FNBP1: variants seen among roughly 807,000 people sequenced by gnomAD.
FNBP1 encodes formin-binding protein 1.
In FNBP1, 26 loss-of-function variants were observed where a neutral mutation model predicts 90.6. The ratio of observed to expected loss-of-function variants is 0.29; its 90% CI spans 0.21 to 0.40. The LOEUF is 0.40. Among genes scored for constraint, FNBP1 ranks in the 10% least tolerant of loss-of-function variants. The probability of loss-of-function intolerance (pLI) is 1.00; values close to 1 mark genes in which losing one functional copy is unlikely to be tolerated. For missense variants in FNBP1, 635 were observed against 768.0 expected (o/e 0.83, Z 2.05); for synonymous variants, 260 against 265.2 (o/e 0.98, Z 0.19).
intron 6 of FNBP1, among the ~76,000 whole-genome samples, chr9:129,939,199 A>G (rs938132702): frequency 1.3e-5 from 2 of 151,904 alleles, no homozygotes; most frequent in Non-Finnish European, 2.9e-5. Flanking sequence ...GACCAGCCTG[A>G]CCAATATGAT....
In FNBP1 at chr9:129,887,222, T is replaced by C. The variant is rs2034808627; in HGVS notation, c.*3317A>G. 1 of 181,486 alleles carries C rather than the reference T, an allele frequency of 5.5e-6. No individual in the cohort carries two copies. The highest frequency in any genetic ancestry group is 2.4e-5 in the African/African-American group (1 of 42,412). The allele number at this position is 181,486 out of a possible 1,614,324, so 11.2% of individuals were successfully genotyped here. A position where few individuals can be genotyped will look rare whatever the true frequency, so the allele number is the denominator to read the frequency against. ...ATTTTATTTTAACACGAGATTAACA[T>C]ATAGTTACAAGGTCAATACAAGCCT... On this transcript the variant is annotated 3_prime_UTR_variant, in exon 17 of 17. Transcript: ENST00000446176.
chr9:130,026,685 G>A (rs2058370889), intron 1 of FNBP1, among the ~76,000 whole-genome samples: 1 of 152,008 alleles, frequency 6.6e-6, no homozygotes, highest in Admixed American at 6.6e-5. Context: ...AGGTGCAGTG[G>A]CTCACGCTTC....
At chr9:129,949,198 C>A (rs1324711614) in intron 6 of FNBP1, among the ~76,000 whole-genome samples, 5 of 152,046 alleles carry the variant, frequency 3.3e-5, no homozygotes, top group Non-Finnish European at 7.4e-5. Context: ...TCATTCAAAG[C>A]CTTCAAGTTC....
chr9:129,893,163 T>C (rs970702732), intron 16 of FNBP1, among the ~76,000 whole-genome samples: 1 of 152,138 alleles, frequency 6.6e-6, no homozygotes, highest in African/African-American at 2.4e-5. Flanking sequence ...TTCACTTGTT[T>C]ACTGGGTAAA....
Position 129,890,416 on chromosome 9 carries a change from C to A in FNBP1, c.*123G>T. 1 of 681,626 alleles carries A rather than the reference C, an allele frequency of 1.5e-6. No individual in the cohort carries two copies. Among genetic ancestry groups the A allele is most frequent in the South Asian group, 1.8e-5 (1 of 56,942 alleles). The allele number at this position is 681,626 out of a possible 1,614,324, so 42.2% of individuals were successfully genotyped here. The stretch of plus-strand genomic sequence containing the variant: ...GCATGCTGGAGAGAGAGAGAGACCG[C>A]CCCGCAGGGATGGGGCTGCGGAGGG... On this transcript the variant is annotated 3_prime_UTR_variant, in exon 17 of 17. Coordinates refer to ENST00000446176, the MANE Select transcript of FNBP1 (RefSeq NM_015033.3). The surrounding 1 kb of genome is among the most constrained non-coding windows in gnomAD (Gnocchi z 5.8).
At chr9:129,895,300 CAAG>C (rs2035536495) in intron 16 of FNBP1, 8 of 1,060,326 alleles carry the variant, frequency 7.5e-6, no homozygotes, top group Admixed American at 5.4e-5. Context: ...CTGCTTTAGT[CAAG>C]AAGGAGATGT....
rs112024204 is a variant in FNBP1 at position 130,003,652 on chromosome 9, G to A, written c.25-8694C>T. ...CAAAAAAGTAGTCTTGGCCAGGCAC[G>A]GTGGCTCACGCCTGTAATTCCAGCA... On this transcript the variant is annotated intron_variant, in intron 1 of 16. Coordinates refer to ENST00000446176, the MANE Select transcript of FNBP1 (RefSeq NM_015033.3). 5.8e-4 allele frequency among the ~76,000 whole-genome samples: 88 copies of A among 150,644 alleles called. 1 individual carries two copies. The highest frequency in any genetic ancestry group is 2.0e-3 in the African/African-American group (80 of 40,956).
intron 7 of FNBP1, among the ~76,000 whole-genome samples, chr9:129,928,238 G>T (rs564095296): frequency 6.6e-6 from 1 of 152,188 alleles, no homozygotes; most frequent in African/African-American, 2.4e-5. Context: ...CAATCCAAAA[G>T]AAAGAACTGT....
rs867358079 is a variant in FNBP1, at chr9:129,939,390, G to A, written c.514-9695C>T. Among the ~76,000 whole-genome samples the A allele has an allele frequency of 1.1e-3, 164 of 146,044 alleles. 1 individual carries two copies. Among genetic ancestry groups the A allele is most frequent in the African/African-American group, 3.6e-3 (143 of 39,926 alleles). On this transcript the variant is annotated intron_variant, in intron 6 of 16. Transcript: ENST00000446176. ...GGCAACAAGAGCAAGCCTCCGTCCC[G>A]AAAAATAAAAAAATCTTGCATATGT...
chr9:129,917,019 CTTT>C (rs905032993), intron 10 of FNBP1, among the ~76,000 whole-genome samples: 1 of 145,144 alleles, frequency 6.9e-6, no homozygotes, highest in Admixed American at 6.9e-5. Context: ...TGTGACTGCT[CTTT>C]TTTTTTTTGA....
intron 2 of FNBP1, among the ~76,000 whole-genome samples, chr9:129,986,675 A>T (rs963148118): frequency 6.6e-6 from 1 of 151,974 alleles, no homozygotes; most frequent in African/African-American, 2.4e-5. Flanking sequence ...CTGTAGTCCC[A>T]GCTACTCGGG....
upstream of FNBP1, among the ~76,000 whole-genome samples, chr9:130,047,899 A>T (rs2132510563): frequency 6.6e-6 from 1 of 152,320 alleles, no homozygotes; most frequent in East Asian, 1.9e-4. Flanking sequence ...GTAGATAGAT[A>T]TGAGATTTTA....
intron 13 of FNBP1, among the ~76,000 whole-genome samples, chr9:129,902,482 G>A (rs2037142495): frequency 6.6e-6 from 1 of 152,092 alleles, no homozygotes; most frequent in South Asian, 2.1e-4. Context: ...ATGGTGGCAT[G>A]TGCCTGTAAT....
rs541829116 is a variant in FNBP1 at position 130,024,798 on chromosome 9, C to T, written c.24+18154G>A. Among the ~76,000 whole-genome samples the T allele has an allele frequency of 8.5e-5, 13 of 152,282 alleles. No homozygotes were observed. In the East Asian group the frequency reaches 2.1e-3, roughly 25 times the overall value. On this transcript the variant is annotated intron_variant, in intron 1 of 16. Transcript: ENST00000446176. Reference sequence around the variant, plus strand: ...CACTTGACTGCCTAAAATTTTTCTGCAATGACATTGTTTATCTACCTTACT... The same window carrying T: ...CACTTGACTGCCTAAAATTTTTCTGTAATGACATTGTTTATCTACCTTACT...
intron 2 of FNBP1, among the ~76,000 whole-genome samples, chr9:129,986,801 T>A (rs1386124562): frequency 2.0e-5 from 3 of 151,410 alleles, no homozygotes. Flanking sequence ...AGAAAAAAAA[T>A]TTTAAAAATA....
intron 15 of FNBP1, among the ~76,000 whole-genome samples, chr9:129,897,892 C>T (rs1426702446): frequency 2.0e-5 from 3 of 152,204 alleles, no homozygotes; most frequent in South Asian, 2.1e-4. Flanking sequence ...TACAATGGCA[C>T]GATCTTGGCT....
chr9:129,921,396 T>A (rs1448887664), intron 10 of FNBP1, among the ~76,000 whole-genome samples: 1 of 151,776 alleles, frequency 6.6e-6, no homozygotes, highest in Non-Finnish European at 1.5e-5. Context: ...TCATGGGTTT[T>A]TTTTTTTTCT....
intron 15 of FNBP1, among the ~76,000 whole-genome samples, chr9:129,896,843 C>A (rs571185811): frequency 7.9e-5 from 12 of 151,984 alleles, no homozygotes; most frequent in Admixed American, 5.9e-4. Flanking sequence ...GTTGGTCAGG[C>A]TGGTCTTGAA....
At position 129,932,071 on chromosome 9, in the gene FNBP1, C is replaced by T. The variant is rs147825526; in HGVS notation, c.514-2376G>A. ...ACTAAAAATACAAAAATTAGATGGG[C>T]GTGGTGGTGGGCGCCTTTAGTCCCA... On this transcript the variant is annotated intron_variant, in intron 6 of 16. Transcript: ENST00000446176. Among the ~76,000 whole-genome samples, 626 of 148,934 alleles carry T rather than the reference C, an allele frequency of 4.2e-3. 2 individuals carry two copies. Among genetic ancestry groups the T allele is most frequent in the Non-Finnish European group, 7.2e-3 (482 of 66,868 alleles).
Sources: gnomAD v4.1 joint callset for allele counts (sites outside exome capture counted in the v4.1 genomes callset) on GRCh38, gnomAD v4.1.1 for gene constraint, Gnocchi (gnomAD v3.1) non-coding constraint, MANE v1.5 for transcripts, NCBI Gene and HGNC (gene_info 2026-07-23, HGNC 2026-07-21) for gene names.